The following PTPN14 variants were observed in gnomAD, a reference collection of about 807,000 sequenced individuals.
PTPN14 encodes tyrosine-protein phosphatase non-receptor type 14.
In PTPN14, 53 loss-of-function variants were observed where a neutral mutation model predicts 126.8. The ratio of observed to expected loss-of-function variants is 0.42; its 90% CI spans 0.34 to 0.53. The LOEUF (loss-of-function observed/expected upper bound fraction) is 0.53, where lower values mean the gene tolerates loss of function less well. PTPN14 is among the 20% of genes least tolerant of loss of function. PTPN14 has a pLI of 0.08. For missense variants in PTPN14, 1,257 were observed against 1,552.9 expected, an observed-to-expected ratio of 0.81 and a Z score of 3.20; for synonymous variants, 630 against 599.3, an observed-to-expected ratio of 1.05 and a Z score of -0.75.
chr1:214,395,552 T>C (rs1658857001), intron 8 of PTPN14, among the ~76,000 whole-genome samples: 1 of 150,132 alleles, frequency 6.7e-6, no homozygotes, highest in Admixed American at 6.7e-5. Flanking sequence ...TATAAATTAA[T>C]TGACTCTCTA....
At position 214,512,309 on chromosome 1, in the gene PTPN14, G is replaced by A. The variant is rs551993905; in HGVS notation, c.-155+38874C>T. 1.5e-4 allele frequency among the ~76,000 whole-genome samples: 23 copies of A among 152,176 alleles called. No homozygotes were observed. The South Asian group carries it at 4.8e-3, about 32-fold the overall frequency. ...AAAACAAAATAAGGGTTTGGCCTAG[G>A]CTGTCCCCTCACTCCTTCTGCCTCC... On this transcript the variant is annotated intron_variant, in intron 1 of 18. Coordinates refer to ENST00000366956, the MANE Select transcript of PTPN14 (RefSeq NM_005401.5).
intron 3 of PTPN14, among the ~76,000 whole-genome samples, chr1:214,432,668 T>C (rs1024565900): frequency 1.4e-4 from 21 of 152,200 alleles, no homozygotes; most frequent in African/African-American, 5.1e-4. Context: ...TATAGATGAC[T>C]CACAAAATGT....
chr1:214,404,311 C>T (rs1209231055), intron 5 of PTPN14, among the ~76,000 whole-genome samples: 1 of 152,182 alleles, frequency 6.6e-6, no homozygotes, highest in African/African-American at 2.4e-5. Context: ...TATGGCAGCT[C>T]TTACTTTTCA....
intron 5 of PTPN14, among the ~76,000 whole-genome samples, chr1:214,411,036 T>C (rs939319538): frequency 2.2e-4 from 33 of 152,342 alleles, no homozygotes; most frequent in South Asian, 1.7e-3. Flanking sequence ...AGATTACTTT[T>C]GGCAGACATT....
chr1:214,426,042 A>G (rs1008487687), intron 3 of PTPN14, among the ~76,000 whole-genome samples: 149 of 144,708 alleles, frequency 1.0e-3, no homozygotes, highest in Non-Finnish European at 1.7e-3. Context: ...CAAAAAAAAA[A>G]AAAAAAAAAA....
intron 8 of PTPN14, among the ~76,000 whole-genome samples, chr1:214,395,930 G>A (rs775734221): frequency 1.2e-4 from 18 of 151,902 alleles, no homozygotes; most frequent in Non-Finnish European, 1.8e-4. Flanking sequence ...CTACCCACAC[G>A]TGAGGAGAAG....
intron 15 of PTPN14, among the ~76,000 whole-genome samples, chr1:214,375,431 T>C (rs898338341): frequency 1.3e-5 from 2 of 152,198 alleles, no homozygotes; most frequent in Non-Finnish European, 2.9e-5. Flanking sequence ...TTAACATTAA[T>C]AGATGAACAA....
At chr1:214,471,050 AAAC>A (rs1660747619) in intron 1 of PTPN14, among the ~76,000 whole-genome samples, 1 of 150,502 alleles carries the variant, frequency 6.6e-6, no homozygotes, top group Non-Finnish European at 1.5e-5. Context: ...CAAAACAAAA[AAAC>A]AACTACACTT....
At chr1:214,549,961 G>C (rs1656065928) in intron 1 of PTPN14, among the ~76,000 whole-genome samples, 1 of 152,180 alleles carries the variant, frequency 6.6e-6, no homozygotes, top group Non-Finnish European at 1.5e-5. Flanking sequence ...CAGATGGCTA[G>C]GGAAACTTTC....
intron 6 of PTPN14, among the ~76,000 whole-genome samples, chr1:214,402,011 C>T (rs1659029699): frequency 6.6e-6 from 1 of 151,926 alleles, no homozygotes; most frequent in South Asian, 2.1e-4. Context: ...GAGCCACAGC[C>T]CTGTAAACAT....
intron 1 of PTPN14, among the ~76,000 whole-genome samples, chr1:214,500,590 G>A (rs1307455127): frequency 2.6e-5 from 4 of 151,282 alleles, no homozygotes; most frequent in African/African-American, 9.7e-5. Context: ...TTTCTCTCAA[G>A]GACAACCTCC....
At chr1:214,370,395 A>G (rs1484053273) in intron 16 of PTPN14, among the ~76,000 whole-genome samples, 1 of 152,140 alleles carries the variant, frequency 6.6e-6, no homozygotes, top group African/African-American at 2.4e-5. Flanking sequence ...TCCATGGTGG[A>G]AAGTTTGGAT....
At chr1:214,488,607 CATT>C (rs1428949214) in intron 1 of PTPN14, among the ~76,000 whole-genome samples, 2 of 152,206 alleles carry the variant, frequency 1.3e-5, no homozygotes, top group Non-Finnish European at 2.9e-5. Flanking sequence ...TCAGGAGCAT[CATT>C]AACTTTCACC....
intron 5 of PTPN14, among the ~76,000 whole-genome samples, chr1:214,410,333 T>C (rs1238658364): frequency 1.3e-5 from 2 of 151,222 alleles, no homozygotes; most frequent in African/African-American, 4.9e-5. Context: ...TCTTGCTTTG[T>C]GGCCAGGCTG....
chr1:214,522,494 A>G (rs1488507297), intron 1 of PTPN14, among the ~76,000 whole-genome samples: 1 of 152,234 alleles, frequency 6.6e-6, no homozygotes, highest in Admixed American at 6.5e-5. Flanking sequence ...CAAGCAGGAT[A>G]CAAACATCCA....
At chr1:214,416,686 G>A (rs1659432950) in intron 3 of PTPN14, among the ~76,000 whole-genome samples, 1 of 152,210 alleles carries the variant, frequency 6.6e-6, no homozygotes, top group African/African-American at 2.4e-5. Context: ...CTAAACAGCA[G>A]CAATGATAGG....
rs142229691 is a variant in PTPN14, at chr1:214,383,418, G to A, written c.2437C>T (p.Leu813=). 1.1e-5 allele frequency: 17 copies of A among 1,614,134 alleles called. No individual in the cohort carries two copies. The African/African-American group carries it at 1.7e-4, about 16-fold the overall frequency. ...SLGPSISEPD[L]TSVKERVKKE... is the part of the protein sequence containing the mutation. ...TTGACCCGCTCCTTCACACTAGTCA[G>A]GTCGGGTTCCGAGATGGATGGGCCG... The change falls in exon 13 of 19, where the codon CTG becomes TTG. Residue 813 remains leucine, a synonymous_variant. Coordinates refer to ENST00000366956, the MANE Select transcript of PTPN14 (RefSeq NM_005401.5). The surrounding 1 kb of genome is among the most constrained non-coding windows in gnomAD (Gnocchi z 4.4).
At chr1:214,518,415 G>T (rs1460730660) in intron 1 of PTPN14, among the ~76,000 whole-genome samples, 1 of 152,106 alleles carries the variant, frequency 6.6e-6, no homozygotes, top group Non-Finnish European at 1.5e-5. Flanking sequence ...TTTCATTAAG[G>T]TCATTAAGCA....
chr1:214,419,191 GA>G (rs1354612783), intron 3 of PTPN14, among the ~76,000 whole-genome samples: 1 of 152,122 alleles, frequency 6.6e-6, no homozygotes, highest in Non-Finnish European at 1.5e-5. Flanking sequence ...GTCTGAGTAA[GA>G]AAGAAAACTT....
Sources: allele counts gnomAD v4.1 joint callset (sites outside exome capture counted in the v4.1 genomes callset), GRCh38; gene constraint gnomAD v4.1.1; non-coding constraint Gnocchi (gnomAD v3.1); transcripts MANE v1.5; gene names NCBI Gene and HGNC (gene_info 2026-07-23, HGNC 2026-07-21).